Variants in MRLN observed in about 807,000 individuals in gnomAD.
The protein encoded by MRLN is Linc-RNA activator of myogenesis.
chr10:59,740,016 A>G (rs535791624), intron 1 of MRLN, among the ~76,000 whole-genome samples: 22 of 151,856 alleles, frequency 1.4e-4, no homozygotes, highest in African/African-American at 5.1e-4. Flanking sequence ...GCTTGAACCT[A>G]GGAGGTGGAG....
At position 59,748,155 on chromosome 10, in the gene MRLN, G is replaced by A. The variant is rs1173019447; in HGVS notation, c.-125+5199C>T. Among the ~76,000 whole-genome samples the A allele has an allele frequency of 3.4e-5, 5 of 148,414 alleles. No homozygotes were observed. The East Asian group carries it at 1.0e-3, about 30-fold the overall frequency. ...AGTTGTTGGAAGGCAAGAAAAACTTGGCACAGGACGTGCAGGGTTTTAGAA... is the reference window on the plus strand; with the variant it reads ...AGTTGTTGGAAGGCAAGAAAAACTTAGCACAGGACGTGCAGGGTTTTAGAA... On this transcript the variant is annotated intron_variant, in intron 1 of 2. Coordinates refer to ENST00000414264, the MANE Select transcript of MRLN (RefSeq NM_001304731.2).
chr10:59,751,868 C>T (rs1029834552), intron 1 of MRLN, among the ~76,000 whole-genome samples: 5 of 152,086 alleles, frequency 3.3e-5, no homozygotes, highest in Admixed American at 6.6e-5. Context: ...CAGAGCAACA[C>T]TTTGGAAAGC....
intron 1 of MRLN, among the ~76,000 whole-genome samples, chr10:59,740,782 TTCTTTCTTTC>T (rs1840974833): frequency 7.0e-6 from 1 of 141,880 alleles, no homozygotes; most frequent in Admixed American, 6.8e-5. Context: ...TTTGTTTTCT[TTCTTTCTTTC>T]TTTCTTTCTT....
rs1048713565 is a variant in MRLN, at chr10:59,751,744, A to G, written c.-125+1610T>C. On this transcript the variant is annotated intron_variant, in intron 1 of 2. Transcript: ENST00000414264. ...TGAGTAAGCCCATTCTGACTTTTATAGACCCCGTTTTAGGTTAGCACATGG... is the reference window on the plus strand; with the variant it reads ...TGAGTAAGCCCATTCTGACTTTTATGGACCCCGTTTTAGGTTAGCACATGG... Among the ~76,000 whole-genome samples, 3 of 151,822 alleles carry G rather than the reference A, an allele frequency of 2.0e-5. No homozygotes were observed. The East Asian group carries it at 5.8e-4, about 29-fold the overall frequency.
At chr10:59,737,935 C>A (rs1840941350) in intron 2 of MRLN, 1 of 152,082 alleles carries the variant, frequency 6.6e-6, no homozygotes, top group African/African-American at 2.4e-5. Context: ...CATATATACT[C>A]AACTTAAAAT....
intron 1 of MRLN, among the ~76,000 whole-genome samples, chr10:59,745,107 AATACTAAAAAAAAAATAAAATAAAAT>A (rs895094153): frequency 1.3e-5 from 2 of 151,376 alleles, no homozygotes; most frequent in Non-Finnish European, 2.9e-5. Flanking sequence ...ATGATCAATA[AATACTAAAAAAAAAATAAAATAAAAT>A]AAAAAAAAGA....
chr10:59,738,420 T>C (rs1240106843), intron 2 of MRLN, 39 bp downstream of exon 2: 1 of 152,158 alleles, frequency 6.6e-6, no homozygotes, highest in Non-Finnish European at 1.5e-5. Context: ...AATAGACAAT[T>C]AGTGAGGAAT....
chr10:59,748,101 T>G (rs908265781), intron 1 of MRLN, among the ~76,000 whole-genome samples: 1 of 151,798 alleles, frequency 6.6e-6, no homozygotes, highest in African/African-American at 2.4e-5. Context: ...GTTTTTTTTT[T>G]TTTTGCTTAT....
At chr10:59,747,046 C>T (rs188023463) in intron 1 of MRLN, among the ~76,000 whole-genome samples, 6 of 152,284 alleles carry the variant, frequency 3.9e-5, no homozygotes, top group East Asian at 3.9e-4. Flanking sequence ...GTGATCCGTC[C>T]GCCTCATCCT....
At chr10:59,741,478 G>A (rs1208730400) in intron 1 of MRLN, among the ~76,000 whole-genome samples, 1 of 152,076 alleles carries the variant, frequency 6.6e-6, no homozygotes, top group Non-Finnish European at 1.5e-5. Flanking sequence ...GACCTCCCAG[G>A]CTCAAGCGAT....
chr10:59,743,761 C>T (rs774980343), intron 1 of MRLN, among the ~76,000 whole-genome samples: 48 of 152,196 alleles, frequency 3.2e-4, no homozygotes, highest in Non-Finnish European at 6.3e-4. Flanking sequence ...CTGCAACCTC[C>T]CTGCCTGATT....
chr10:59,749,144 G>A (rs979992526), intron 1 of MRLN, among the ~76,000 whole-genome samples: 10 of 152,138 alleles, frequency 6.6e-5, no homozygotes, highest in Admixed American at 5.9e-4. Flanking sequence ...TCTGTCTTGT[G>A]GGGGGTTGAA....
intron 1 of MRLN, among the ~76,000 whole-genome samples, chr10:59,746,537 T>A (rs1841045650): frequency 6.6e-6 from 1 of 152,234 alleles, no homozygotes; most frequent in Non-Finnish European, 1.5e-5. Context: ...GGAAATGGAC[T>A]ATACTGGCAT....
At chr10:59,739,583 T>G (rs1840959862) in intron 1 of MRLN, 1 of 152,260 alleles carries the variant, frequency 6.6e-6, no homozygotes, top group Non-Finnish European at 1.5e-5. Flanking sequence ...AATCTGTGGT[T>G]GGTTGAATCC....
chr10:59,745,553 A>G (rs923911641), intron 1 of MRLN, among the ~76,000 whole-genome samples: 6 of 131,936 alleles, frequency 4.5e-5, no homozygotes, highest in South Asian at 2.4e-4. Context: ...TCTAGAGGCC[A>G]TTGGGAGTCA....
chr10:59,750,776 C>T (rs1173045711), intron 1 of MRLN, among the ~76,000 whole-genome samples: 1 of 152,240 alleles, frequency 6.6e-6, no homozygotes, highest in Non-Finnish European at 1.5e-5. Context: ...ATCAGCTGTG[C>T]GAGGCTTCCT....
At chr10:59,746,547 T>C (rs1018018782) in intron 1 of MRLN, among the ~76,000 whole-genome samples, 1 of 152,242 alleles carries the variant, frequency 6.6e-6, no homozygotes, top group Non-Finnish European at 1.5e-5. Flanking sequence ...TATACTGGCA[T>C]GGAAACATCA....
intron 1 of MRLN, among the ~76,000 whole-genome samples, chr10:59,746,018 C>T (rs942695334): frequency 6.6e-6 from 1 of 152,166 alleles, no homozygotes; most frequent in African/African-American, 2.4e-5. Context: ...TAACATTTCT[C>T]TTTATTAAGT....
At chr10:59,746,699 G>C (rs1249700351) in intron 1 of MRLN, among the ~76,000 whole-genome samples, 1 of 152,218 alleles carries the variant, frequency 6.6e-6, no homozygotes, top group East Asian at 1.9e-4. Flanking sequence ...CTTTATAACA[G>C]TTAGTTGCTA....
Sources: gnomAD v4.1 joint callset for allele counts (sites outside exome capture counted in the v4.1 genomes callset) on GRCh38, gnomAD v4.1.1 for gene constraint, MANE v1.5 for transcripts, NCBI Gene and HGNC (gene_info 2026-07-23, HGNC 2026-07-21) for gene names.